NTM: variants seen among roughly 807,000 people sequenced by gnomAD.
NTM encodes neurotrimin.
In NTM, 13 loss-of-function variants were observed where a neutral mutation model predicts 42.1. The ratio of observed to expected loss-of-function variants is 0.31; its 90% CI spans 0.20 to 0.49. The LOEUF (loss-of-function observed/expected upper bound fraction) is 0.49. Ranked by LOEUF, NTM falls within the 20% of genes least tolerant of loss-of-function variation. The pLI is 0.99. For synonymous variants in NTM, 187 were observed against 179.2 expected, an observed-to-expected ratio of 1.04 and a Z score of -0.35; for missense variants, 373 against 452.8, an observed-to-expected ratio of 0.82 and a Z score of 1.60.
intron 2 of NTM, among the ~76,000 whole-genome samples, chr11:132,084,293 T>C (rs2059436559): frequency 6.6e-6 from 1 of 152,214 alleles, no homozygotes; most frequent in Non-Finnish European, 1.5e-5. Context: ...GTTATCTTTG[T>C]GGTTTATAAT....
At chr11:132,073,523 A>G (rs2057976696) in intron 2 of NTM, among the ~76,000 whole-genome samples, 1 of 152,206 alleles carries the variant, frequency 6.6e-6, no homozygotes. Flanking sequence ...CTTCTTTCCA[A>G]AAAAGATCAC....
chr11:131,562,172 G>A (rs1007503363), intron 1 of NTM, among the ~76,000 whole-genome samples: 4 of 152,028 alleles, frequency 2.6e-5, no homozygotes, highest in Non-Finnish European at 4.4e-5. Flanking sequence ...CCTGGGGACC[G>A]ACAGCCCTGT....
At chr11:131,490,106 C>T (rs1954620378) in intron 1 of NTM, among the ~76,000 whole-genome samples, 1 of 152,158 alleles carries the variant, frequency 6.6e-6, no homozygotes, top group African/African-American at 2.4e-5. Context: ...CTCACAGAAA[C>T]TAATAGTGAG....
At chr11:131,487,882 C>T (rs1228851734) in intron 1 of NTM, among the ~76,000 whole-genome samples, 2 of 152,336 alleles carry the variant, frequency 1.3e-5, no homozygotes, top group African/African-American at 4.8e-5. Flanking sequence ...AAGAGGACCA[C>T]TTTCTTTGTT....
rs148924459 is a variant in NTM, at chr11:131,518,185, G to C, written c.82+147297G>C. ...GGCAGGCATGATTCCTGTCCTAGTG[G>C]AGCTTATATTCTAGACAAAATGGAT... On this transcript the variant is annotated intron_variant, in intron 1 of 8. Transcript: ENST00000683400. 2.6e-5 allele frequency among the ~76,000 whole-genome samples: 4 copies of C among 152,306 alleles called. No homozygotes were observed. The East Asian group carries it at 7.7e-4, about 29-fold the overall frequency.
At position 131,866,144 on chromosome 11, in the gene NTM, G is replaced by GCACACACACGGTGCA. The variant is rs537697996; in HGVS notation, c.83-45411_83-45397dup. On this transcript the variant is annotated intron_variant, in intron 1 of 8. Coordinates refer to ENST00000683400, the MANE Select transcript of NTM (RefSeq NM_001352005.2). The stretch of plus-strand genomic sequence containing the variant: ...CATGCCTCACATACACATGCATGCC[G>GCACACACACGGTGCA]CACACACACGGTGCACACACACAGC... Among the ~76,000 whole-genome samples the GCACACACACGGTGCA allele has an allele frequency of 1.1e-4, 17 of 149,328 alleles. No individual in the cohort carries two copies. The East Asian group carries it at 3.7e-3, about 33-fold the overall frequency.
chr11:131,682,879 C>T (rs1398407111), intron 1 of NTM, among the ~76,000 whole-genome samples: 1 of 151,834 alleles, frequency 6.6e-6, no homozygotes, highest in Non-Finnish European at 1.5e-5. Context: ...CATGTTGCGC[C>T]CACACTCCCT....
chr11:131,456,979 A>G (rs375271991), intron 1 of NTM, among the ~76,000 whole-genome samples: 3 of 152,214 alleles, frequency 2.0e-5, no homozygotes, highest in African/African-American at 7.2e-5. Flanking sequence ...CCAGCATCAT[A>G]TAAGATGCTT....
At chr11:131,870,788 C>T (rs1414799566) in intron 1 of NTM, among the ~76,000 whole-genome samples, 1 of 152,078 alleles carries the variant, frequency 6.6e-6, no homozygotes, top group Non-Finnish European at 1.5e-5. Context: ...AGAAATAACC[C>T]ACATGTACTA....
At chr11:132,227,124 G>A (rs1177654734) in intron 4 of NTM, among the ~76,000 whole-genome samples, 2 of 152,178 alleles carry the variant, frequency 1.3e-5, no homozygotes, top group Non-Finnish European at 2.9e-5. Context: ...AGCTTTGTAG[G>A]CCAGGAACAG....
chr11:131,373,466 T>A lies in NTM; in HGVS notation c.82+2578T>A, dbSNP rs373769755. Among the ~76,000 whole-genome samples, 7 of 152,048 alleles carry A rather than the reference T, an allele frequency of 4.6e-5. No homozygotes were observed. In the East Asian group the frequency reaches 9.7e-4, roughly 21 times the overall value. ...CCCACAACCCAACCAGCAACCAAGATCCAGCTTAGGTAGGGAGGGGGGTTT... is the reference window on the plus strand; with the variant it reads ...CCCACAACCCAACCAGCAACCAAGAACCAGCTTAGGTAGGGAGGGGGGTTT... On this transcript the variant is annotated intron_variant, in intron 1 of 8. Coordinates refer to ENST00000683400, the MANE Select transcript of NTM (RefSeq NM_001352005.2).
chr11:131,763,458 T>C (rs1325783730), intron 1 of NTM, among the ~76,000 whole-genome samples: 1 of 152,174 alleles, frequency 6.6e-6, no homozygotes, highest in African/African-American at 2.4e-5. Context: ...TAAAGCTAAA[T>C]TTTGAGATAA....
At chr11:131,632,127 C>T (rs953194069) in intron 1 of NTM, among the ~76,000 whole-genome samples, 1 of 152,132 alleles carries the variant, frequency 6.6e-6, no homozygotes, top group East Asian at 1.9e-4. Context: ...GTATTATGTA[C>T]TTGAATATTT....
chr11:131,391,742 C>A (rs1038784354), intron 1 of NTM, among the ~76,000 whole-genome samples: 17 of 150,896 alleles, frequency 1.1e-4, no homozygotes, highest in African/African-American at 3.7e-4. Flanking sequence ...GCACCCTGTG[C>A]GGCTCATTTC....
intron 2 of NTM, among the ~76,000 whole-genome samples, chr11:132,081,076 C>A (rs61901979): frequency 0.1 from 15,516 of 152,254 alleles, 824 homozygotes; most frequent in South Asian, 0.18. Context: ...AGGGATTTGG[C>A]ACAGGCTGTA....
chr11:131,947,605 G>GTT (rs547658478), intron 2 of NTM, among the ~76,000 whole-genome samples: 126 of 152,154 alleles, frequency 8.3e-4, no homozygotes, highest in Non-Finnish European at 1.3e-3. Flanking sequence ...TAGAACATCT[G>GTT]TAAGACACAG....
chr11:131,974,888 T>C (rs182656986), intron 2 of NTM, among the ~76,000 whole-genome samples: 15 of 152,294 alleles, frequency 9.8e-5, no homozygotes, highest in Admixed American at 3.3e-4. Flanking sequence ...ACTGGAATAG[T>C]CTAAACTTTT....
Position 132,304,563 on chromosome 11 carries a change from G to A in NTM, c.527-3126G>A, listed in dbSNP as rs1242224436. Among the ~76,000 whole-genome samples the A allele has an allele frequency of 2.0e-5, 3 of 152,134 alleles. No individual in the cohort carries two copies. The South Asian group carries it at 6.2e-4, about 32-fold the overall frequency. On this transcript the variant is annotated intron_variant, in intron 4 of 8. Transcript: ENST00000683400. The stretch of plus-strand genomic sequence containing the variant: ...GTCAGATTGCAGTTTAGTGTTTTGG[G>A]GGGCTTGTTTGAGGCATCTCCTTTA...
At chr11:131,711,895 C>T (rs905806840) in intron 1 of NTM, among the ~76,000 whole-genome samples, 6 of 147,562 alleles carry the variant, frequency 4.1e-5, no homozygotes, top group Admixed American at 2.1e-4. Context: ...AAAAACCAAA[C>T]ACCGCATGTT....
Sources: gnomAD v4.1 joint callset for allele counts (sites outside exome capture counted in the v4.1 genomes callset) on GRCh38, gnomAD v4.1.1 for gene constraint, MANE v1.5 for transcripts, NCBI Gene and HGNC (gene_info 2026-07-23, HGNC 2026-07-21) for gene names.